ASTN1: variants seen among roughly 807,000 people sequenced by gnomAD.
ASTN1 encodes astrotactin 1.
In ASTN1, 41 loss-of-function variants were observed where a neutral mutation model predicts 140.7. The observed-to-expected ratio is 0.29, with a 90% CI of 0.23 to 0.38. The LOEUF (loss-of-function observed/expected upper bound fraction) is 0.38, where lower values mean the gene tolerates loss of function less well. Among genes scored for constraint, ASTN1 ranks in the 10% least tolerant of loss-of-function variants. The probability of loss-of-function intolerance (pLI) is 1.00; values close to 1 mark genes in which losing one functional copy is unlikely to be tolerated. For synonymous variants in ASTN1, 640 were observed against 652.2 expected (o/e 0.98, Z 0.29); for missense variants, 1,479 against 1,678.8 (o/e 0.88, Z 2.08).
chr1:176,921,292 C>G (rs973913548), intron 16 of ASTN1, among the ~76,000 whole-genome samples: 10 of 152,154 alleles, frequency 6.6e-5, no homozygotes, highest in Non-Finnish European at 2.9e-5. Flanking sequence ...TTCAGGGAAA[C>G]CTTGTCTCTG....
chr1:177,061,906 C>T (rs990890640), intron 1 of ASTN1, among the ~76,000 whole-genome samples: 1 of 152,184 alleles, frequency 6.6e-6, no homozygotes, highest in African/African-American at 2.4e-5. Context: ...AGTTGGTATA[C>T]ATGAAGAAGA....
intron 8 of ASTN1, among the ~76,000 whole-genome samples, chr1:177,008,943 G>A (rs1675148392): frequency 6.6e-6 from 1 of 152,144 alleles, no homozygotes; most frequent in African/African-American, 2.4e-5. Flanking sequence ...CAGTGACATG[G>A]AAACCAGCAA....
chr1:177,054,565 C>A (rs1387335006), intron 2 of ASTN1, among the ~76,000 whole-genome samples: 2 of 152,214 alleles, frequency 1.3e-5, no homozygotes, highest in Non-Finnish European at 2.9e-5. Context: ...AGGCTAGGAT[C>A]ACATTCACCT....
intron 1 of ASTN1, 148 bp downstream of exon 1, chr1:177,164,246 G>T: frequency 1.1e-6 from 1 of 889,782 alleles, no homozygotes; most frequent in Non-Finnish European, 1.7e-6. Context: ...AAGTGGGTGT[G>T]GAGAATGGTC....
At chr1:176,932,555 A>G (rs1234066090) in intron 16 of ASTN1, among the ~76,000 whole-genome samples, 1 of 152,216 alleles carries the variant, frequency 6.6e-6, no homozygotes, top group Non-Finnish European at 1.5e-5. Context: ...GACCTACTAA[A>G]ATGTTTGAAT....
chr1:177,138,718 C>G (rs1682315765), intron 1 of ASTN1, among the ~76,000 whole-genome samples: 1 of 152,156 alleles, frequency 6.6e-6, no homozygotes, highest in Non-Finnish European at 1.5e-5. Context: ...TTTCATTAAT[C>G]AGGATATCAC....
At chr1:177,020,349 T>G (rs2101950363) in intron 7 of ASTN1, among the ~76,000 whole-genome samples, 1 of 152,342 alleles carries the variant, frequency 6.6e-6, no homozygotes, top group East Asian at 1.9e-4. Flanking sequence ...TATGTTGCCT[T>G]CTGGAGGCAC....
At chr1:176,912,148 G>A (rs1405119857) in intron 16 of ASTN1, among the ~76,000 whole-genome samples, 1 of 152,206 alleles carries the variant, frequency 6.6e-6, no homozygotes, top group Non-Finnish European at 1.5e-5. Context: ...AAGCTTTTGG[G>A]ATAGGCTCAA....
At chr1:177,132,524 C>T (rs1420044070) in intron 1 of ASTN1, among the ~76,000 whole-genome samples, 1 of 152,130 alleles carries the variant, frequency 6.6e-6, no homozygotes, top group African/African-American at 2.4e-5. Flanking sequence ...GCAGATATAC[C>T]AGCAGCAGGG....
chr1:176,945,798 G>A (rs1671930154), intron 13 of ASTN1, 128 bp downstream of exon 13: 9 of 841,028 alleles, frequency 1.1e-5, no homozygotes, highest in Non-Finnish European at 1.4e-5. Context: ...GGGTAAGAAT[G>A]TAGTCTATCC....
chr1:177,049,670 C>T lies in ASTN1; in HGVS notation c.471+11408G>A, dbSNP rs531849377. Among the ~76,000 whole-genome samples, 14 of 152,328 alleles carry T rather than the reference C, an allele frequency of 9.2e-5. No individual in the cohort carries two copies. The East Asian group carries it at 2.7e-3, about 29-fold the overall frequency. On this transcript the variant is annotated intron_variant, in intron 2 of 22. Transcript: ENST00000361833. ...TATCCCAACATTAGGCTGCTTGCCTCATCAGCAAGCTTTCGTCACAAGTGA... is the reference window on the plus strand; with the variant it reads ...TATCCCAACATTAGGCTGCTTGCCTTATCAGCAAGCTTTCGTCACAAGTGA...
At chr1:176,925,908 C>T (rs1428487242) in intron 16 of ASTN1, among the ~76,000 whole-genome samples, 1 of 151,432 alleles carries the variant, frequency 6.6e-6, no homozygotes, top group Non-Finnish European at 1.5e-5. Flanking sequence ...CGGGTTCATG[C>T]CATTCTCTTG....
rs386368806 is a variant in ASTN1 at position 176,988,317 on chromosome 1, G to GAAA, written c.1524-23083_1524-23081dup. Among the ~76,000 whole-genome samples the GAAA allele has an allele frequency of 3.1e-4, 44 of 140,004 alleles. No individual in the cohort carries two copies. In the South Asian group the frequency reaches 5.9e-3, roughly 19 times the overall value. The allele number at this position is 140,004 out of a possible 152,430, so 91.8% of individuals were successfully genotyped here. On this transcript the variant is annotated intron_variant, in intron 8 of 22. Transcript: ENST00000361833. ...GTAGAAATTGCAGAGGATATATTGG[G>GAAA]AAAAAAAAAAAAAAAACCTTTCCTT... is the stretch of plus-strand genomic sequence containing the variant.
At chr1:176,999,069 T>C (rs950598855) in intron 8 of ASTN1, among the ~76,000 whole-genome samples, 36 of 152,196 alleles carry the variant, frequency 2.4e-4, no homozygotes, top group African/African-American at 8.7e-4. Flanking sequence ...CACCTTCACT[T>C]ATCAAATAAA....
intron 21 of ASTN1, among the ~76,000 whole-genome samples, chr1:176,872,321 G>A (rs749415702): frequency 1.6e-4 from 24 of 151,694 alleles, no homozygotes; most frequent in African/African-American, 3.2e-4. Context: ...CGTGCACTAC[G>A]TTGGACAAAA....
intron 20 of ASTN1, 149 bp downstream of exon 20, chr1:176,882,710 C>G (rs2103026304): frequency 8.9e-7 from 1 of 1,122,666 alleles, no homozygotes; most frequent in Non-Finnish European, 1.3e-6. Context: ...TACTCGAGAA[C>G]ATTCTCTATA....
intron 8 of ASTN1, among the ~76,000 whole-genome samples, chr1:176,995,728 G>A (rs974877216): frequency 6.6e-6 from 1 of 152,202 alleles, no homozygotes; most frequent in Non-Finnish European, 1.5e-5. Flanking sequence ...GATTGGGGCA[G>A]AGGGTAAAAT....
At chr1:177,034,927 T>C (rs528855691) in intron 2 of ASTN1, among the ~76,000 whole-genome samples, 1 of 152,336 alleles carries the variant, frequency 6.6e-6, no homozygotes, top group East Asian at 1.9e-4. Context: ...CTATGTTTTT[T>C]GCTCATGTAG....
chr1:176,989,492 G>A (rs980056097), intron 8 of ASTN1, among the ~76,000 whole-genome samples: 3 of 152,044 alleles, frequency 2.0e-5, no homozygotes, highest in Non-Finnish European at 2.9e-5. Flanking sequence ...TTTTGCATTC[G>A]TATCCCTAGA....
Sources: gnomAD v4.1 joint callset for allele counts (sites outside exome capture counted in the v4.1 genomes callset) on GRCh38, gnomAD v4.1.1 for gene constraint, MANE v1.5 for transcripts, NCBI Gene and HGNC (gene_info 2026-07-23, HGNC 2026-07-21) for gene names.